GET1: variants seen among roughly 807,000 people sequenced by gnomAD.
GET1 encodes congenital heart disease 5 protein.
Under a neutral mutation model 22.6 loss-of-function variants are expected in GET1, and 20 were observed. That is an observed-to-expected ratio of 0.89 (90% CI 0.62 to 1.29). GET1 has a LOEUF of 1.29. GET1 is among the 50% of genes most tolerant of loss of function. The probability of loss-of-function intolerance (pLI) is 0.00; values close to 1 mark genes in which losing one functional copy is unlikely to be tolerated. For missense variants in GET1, 209 were observed against 219.9 expected (o/e 0.95, Z 0.31); for synonymous variants, 92 against 83.8 (o/e 1.10, Z -0.53).
chr21:39,391,920 G>C (rs1341872653), intron 3 of GET1, 84 bp downstream of exon 3: 1 of 1,324,922 alleles, frequency 7.5e-7, no homozygotes. Context: ...AGGGCTGGGA[G>C]TTCGGGCTGT....
Position 39,390,748 on chromosome 21 carries a change from G to A in GET1, c.153G>A (p.Ala51=), listed in dbSNP as rs142448585. Residue 51 remains alanine, a synonymous_variant, in exon 2 of 5, where the codon GCG becomes GCA. Transcript: ENST00000649170. ...KDAEQESQMR[A]EIQDMKQELS... is the part of the protein sequence containing the mutation. Reference sequence around the variant, plus strand: ...CGGAGCAGGAGTCACAGATGAGAGCGGAGATCCAGGACATGAAGCAGGAGC... The same window carrying A: ...CGGAGCAGGAGTCACAGATGAGAGCAGAGATCCAGGACATGAAGCAGGAGC... The A allele has an allele frequency of 9.3e-6, 15 of 1,614,066 alleles. No individual in the cohort carries two copies. Among genetic ancestry groups the A allele is most frequent in the African/African-American group, 4.0e-5 (3 of 74,908 alleles).
intron 1 of GET1, chr21:39,427,802 A>G (rs1340508525): frequency 6.3e-6 from 1 of 158,842 alleles, no homozygotes; most frequent in African/African-American, 2.4e-5. Flanking sequence ...ATAGGTATTT[A>G]CATTTCACTG....
chr21:39,420,649 G>T, intron 1 of GET1: 1 of 1,435,602 alleles, frequency 7.0e-7, no homozygotes. Flanking sequence ...GACATAAATA[G>T]CTCATATATT....
intron 1 of GET1, among the ~76,000 whole-genome samples, chr21:39,423,951 T>G (rs2074188912): frequency 1.3e-5 from 2 of 152,070 alleles, no homozygotes; most frequent in Non-Finnish European, 1.5e-5. Flanking sequence ...GGACAAGAGT[T>G]TGAGACCAGC....
At chr21:39,420,013 C>T (rs899772889) in intron 1 of GET1, among the ~76,000 whole-genome samples, 5 of 151,936 alleles carry the variant, frequency 3.3e-5, no homozygotes, top group African/African-American at 7.3e-5. Context: ...TGTTTTTAAA[C>T]GTTAATTTTG....
rs116585493 is a variant in GET1 at position 39,394,968 on chromosome 21, C to T, written c.451+1688C>T. ...CACTACAGCCTGGAACTCCTTGGCT[C>T]AAGCGGTCCTCCCACCTTAGTCTCC... On this transcript the variant is annotated intron_variant, in intron 4 of 4. Coordinates refer to ENST00000649170, the MANE Select transcript of GET1 (RefSeq NM_004627.6). Among the ~76,000 whole-genome samples the T allele has an allele frequency of 3.6e-3, 546 of 152,028 alleles. 7 individuals carry two copies. The highest frequency in any genetic ancestry group is 0.013 in the African/African-American group (534 of 41,440).
At chr21:39,404,926 G>T (rs1419156592) in intron 4 of GET1, among the ~76,000 whole-genome samples, 1 of 151,280 alleles carries the variant, frequency 6.6e-6, no homozygotes, top group African/African-American at 2.4e-5. Context: ...TGCCTCCTGG[G>T]GTTCCAGCGA....
At chr21:39,390,022 G>T (rs2038188369) in intron 1 of GET1, among the ~76,000 whole-genome samples, 3 of 150,474 alleles carry the variant, frequency 2.0e-5, no homozygotes, top group Admixed American at 2.0e-4. Flanking sequence ...AATATAGTTT[G>T]AATAGCAATT....
rs58472699 is a variant in GET1, at chr21:39,387,701, C to CG, written c.103-2997_103-2996insG. On this transcript the variant is annotated intron_variant, in intron 1 of 4. Coordinates refer to ENST00000649170, the MANE Select transcript of GET1 (RefSeq NM_004627.6). The stretch of plus-strand genomic sequence containing the variant: ...CCCTACTCCCCACACTCCCCCCCCC[C>CG]ACTTTTGCCTCATCACGCAGGCGCT... The CG allele has an allele frequency of 1.4e-5, 11 of 807,464 alleles. No homozygotes were observed. The East Asian group carries it at 6.3e-4, about 46-fold the overall frequency. 50.0% of individuals were successfully genotyped at this position (807,464 alleles called of 1,614,324 possible).
At position 39,391,429 on chromosome 21, in the gene GET1, C is replaced by T. The variant is rs777217889; in HGVS notation, c.269-340C>T. 4.6e-5 allele frequency: 14 copies of T among 306,974 alleles called. No homozygotes were observed. In the Middle Eastern group the frequency reaches 3.4e-3, roughly 74 times the overall value. 19.0% of individuals were successfully genotyped at this position (306,974 alleles called of 1,614,324 possible). On this transcript the variant is annotated intron_variant, in intron 2 of 4. Coordinates refer to ENST00000649170, the MANE Select transcript of GET1 (RefSeq NM_004627.6). Reference sequence around the variant, plus strand: ...ACAAGCTGGACTCCCACCAGGGGTTCGTGTACTGTGCACACTGGGAAATAA... The same window carrying T: ...ACAAGCTGGACTCCCACCAGGGGTTTGTGTACTGTGCACACTGGGAAATAA...
At chr21:39,409,051 T>G (rs1414708590), downstream of GET1, among the ~76,000 whole-genome samples, 1 of 152,224 alleles carries the variant, frequency 6.6e-6, no homozygotes, top group Non-Finnish European at 1.5e-5. The surrounding 1 kb of genome is among the most constrained non-coding windows in gnomAD (Gnocchi z 4.2). Flanking sequence ...TATGGCTATA[T>G]TTGGAGACTG....
In GET1 at chr21:39,383,342, C is replaced by T. The variant is rs545358750; in HGVS notation, c.102+2856C>T. On this transcript the variant is annotated intron_variant, in intron 1 of 4. Transcript: ENST00000649170. ...TGTTGCCCAGGCTGGAGTGCAATGGCGCAATCTCAGCTCACTGCAACCTCT... is the reference window on the plus strand; with the variant it reads ...TGTTGCCCAGGCTGGAGTGCAATGGTGCAATCTCAGCTCACTGCAACCTCT... Among the ~76,000 whole-genome samples the T allele has an allele frequency of 1.8e-3, 280 of 151,720 alleles. 3 individuals are homozygous for T. Among genetic ancestry groups the T allele is most frequent in the African/African-American group, 3.6e-3 (148 of 41,314 alleles).
At chr21:39,410,012 G>A, downstream of GET1, 2 of 1,591,082 alleles carry the variant, frequency 1.3e-6, no homozygotes, top group Non-Finnish European at 1.7e-6. Flanking sequence ...TCTTGCTTTG[G>A]TAGTTTATTC....
At chr21:39,417,198 A>G (rs1056743806) in intron 1 of GET1, among the ~76,000 whole-genome samples, 4 of 151,866 alleles carry the variant, frequency 2.6e-5, no homozygotes, top group African/African-American at 9.7e-5. Context: ...ACACCTGGCT[A>G]ATTTTTTTAT....
intron 1 of GET1, among the ~76,000 whole-genome samples, chr21:39,412,463 A>T: frequency 6.6e-6 from 1 of 152,222 alleles, no homozygotes; most frequent in South Asian, 2.1e-4. Flanking sequence ...TCCTTCTTAC[A>T]TGTACACCAG....
downstream of GET1, among the ~76,000 whole-genome samples, chr21:39,411,474 C>T (rs1006743198): frequency 2.0e-5 from 3 of 152,142 alleles, no homozygotes; most frequent in African/African-American, 4.8e-5. Flanking sequence ...CTGAAGTTAT[C>T]CTTTTGCTCC....
chr21:39,398,321 C>G (rs1014635839), downstream of GET1, among the ~76,000 whole-genome samples: 1 of 152,136 alleles, frequency 6.6e-6, no homozygotes, highest in African/African-American at 2.4e-5. Context: ...AAGCTGCAGG[C>G]AGAAATGATG....
chr21:39,414,736 C>CTGTGTGTGTG (rs1445537335), intron 1 of GET1, among the ~76,000 whole-genome samples: 42 of 92,272 alleles, frequency 4.6e-4, no homozygotes, highest in Admixed American at 6.3e-4. Flanking sequence ...CTCTCTCTCT[C>CTGTGTGTGTG]TCTCTCTGTG....
At chr21:39,412,558 G>T (rs972662970) in intron 1 of GET1, among the ~76,000 whole-genome samples, 18 of 152,120 alleles carry the variant, frequency 1.2e-4, no homozygotes, top group African/African-American at 4.1e-4. Flanking sequence ...GAAGTAAGGA[G>T]GAAGGAACCC....
Sources: allele counts gnomAD v4.1 joint callset (sites outside exome capture counted in the v4.1 genomes callset), GRCh38; gene constraint gnomAD v4.1.1; non-coding constraint Gnocchi (gnomAD v3.1); transcripts MANE v1.5; gene names NCBI Gene and HGNC (gene_info 2026-07-23, HGNC 2026-07-21).